CLSTN2: variants seen among roughly 807,000 people sequenced by gnomAD.
CLSTN2 encodes calsyntenin 2.
Under a neutral mutation model 101.2 loss-of-function variants are expected in CLSTN2, and 48 were observed. The ratio of observed to expected loss-of-function variants is 0.47; its 90% CI spans 0.38 to 0.60. The LOEUF is 0.60. CLSTN2 is among the 20% of genes least tolerant of loss of function. CLSTN2 has a pLI of 0.00. For synonymous variants in CLSTN2, 481 were observed against 463.6 expected, an observed-to-expected ratio of 1.04 and a Z score of -0.48; for missense variants, 1,160 against 1,238.2, an observed-to-expected ratio of 0.94 and a Z score of 0.95.
intron 1 of CLSTN2, among the ~76,000 whole-genome samples, chr3:140,173,524 C>G (rs1040644184): frequency 6.6e-6 from 1 of 152,210 alleles, no homozygotes; most frequent in Non-Finnish European, 1.5e-5. Context: ...CTAGGCGATT[C>G]CCCAGTAGGG....
chr3:140,256,138 G>T (rs1309451812), intron 2 of CLSTN2, among the ~76,000 whole-genome samples: 1 of 152,146 alleles, frequency 6.6e-6, no homozygotes, highest in Non-Finnish European at 1.5e-5. Context: ...GGCAGCTGAA[G>T]AACAAGAGAG....
intron 2 of CLSTN2, among the ~76,000 whole-genome samples, chr3:140,349,805 T>C (rs764493027): frequency 3.3e-5 from 5 of 152,212 alleles, no homozygotes; most frequent in Non-Finnish European, 7.3e-5. Flanking sequence ...AACAAGACTC[T>C]AAAACTGCAT....
chr3:140,258,950 A>G (rs1439722154), intron 2 of CLSTN2, among the ~76,000 whole-genome samples: 1 of 152,176 alleles, frequency 6.6e-6, no homozygotes, highest in African/African-American at 2.4e-5. Flanking sequence ...TAAGTCATGT[A>G]TAGGTATATA....
intron 1 of CLSTN2, among the ~76,000 whole-genome samples, chr3:139,941,020 G>A (rs903570473): frequency 6.6e-6 from 1 of 152,066 alleles, no homozygotes; most frequent in East Asian, 1.9e-4. Flanking sequence ...AAACAGAAAG[G>A]CATACTTTTT....
chr3:140,123,773 T>A (rs942157625), intron 1 of CLSTN2, among the ~76,000 whole-genome samples: 1 of 151,994 alleles, frequency 6.6e-6, no homozygotes, highest in African/African-American at 2.4e-5. Context: ...CTTTCCTCAG[T>A]GCATTCACAT....
chr3:140,140,986 T>C (rs1267652585), intron 1 of CLSTN2, among the ~76,000 whole-genome samples: 1 of 152,172 alleles, frequency 6.6e-6, no homozygotes, highest in Non-Finnish European at 1.5e-5. Flanking sequence ...GCAATAGCAA[T>C]AGGGACTGAT....
intron 1 of CLSTN2, among the ~76,000 whole-genome samples, chr3:140,003,551 G>T (rs555820018): frequency 6.6e-6 from 1 of 152,178 alleles, no homozygotes; most frequent in South Asian, 2.1e-4. Context: ...CTCCAGCTAG[G>T]ACTTCCAGTA....
At chr3:140,293,092 C>T (rs1485814747) in intron 2 of CLSTN2, among the ~76,000 whole-genome samples, 1 of 152,228 alleles carries the variant, frequency 6.6e-6, no homozygotes, top group Non-Finnish European at 1.5e-5. Flanking sequence ...TTTGTCTTCC[C>T]TCTTTAACAA....
chr3:140,543,389 A>T (rs564866590), intron 9 of CLSTN2, among the ~76,000 whole-genome samples: 8 of 152,348 alleles, frequency 5.3e-5, no homozygotes, highest in African/African-American at 1.7e-4. Flanking sequence ...GCCGTGGGCC[A>T]TCTCAACTAA....
At chr3:140,505,562 C>A (rs1934670818) in intron 8 of CLSTN2, 1 of 152,098 alleles carries the variant, frequency 6.6e-6, no homozygotes, top group South Asian at 2.1e-4. Flanking sequence ...GAAACACTTA[C>A]CCAATTCCAT....
At chr3:140,188,633 G>C (rs1388316992) in intron 2 of CLSTN2, among the ~76,000 whole-genome samples, 1 of 152,182 alleles carries the variant, frequency 6.6e-6, no homozygotes, top group African/African-American at 2.4e-5. Context: ...ATTCAAAGAG[G>C]AGACAGAGCA....
At chr3:140,251,296 G>T (rs377439647) in intron 2 of CLSTN2, among the ~76,000 whole-genome samples, 6 of 152,288 alleles carry the variant, frequency 3.9e-5, no homozygotes, top group African/African-American at 1.4e-4. Flanking sequence ...GTAAAAATGT[G>T]TTCAAAATAA....
intron 1 of CLSTN2, among the ~76,000 whole-genome samples, chr3:140,133,396 C>T (rs1010778875): frequency 2.0e-4 from 30 of 152,200 alleles, no homozygotes; most frequent in Non-Finnish European, 8.8e-5. Context: ...TCCTTATTGA[C>T]TTTGAAACTA....
At chr3:140,345,033 C>T (rs1172835886) in intron 2 of CLSTN2, among the ~76,000 whole-genome samples, 2 of 152,142 alleles carry the variant, frequency 1.3e-5, no homozygotes, top group East Asian at 3.9e-4. Context: ...ATGCCATCTG[C>T]TTTCAGGGCA....
chr3:140,300,151 T>G (rs1252077887), intron 2 of CLSTN2, among the ~76,000 whole-genome samples: 2 of 152,238 alleles, frequency 1.3e-5, no homozygotes, highest in African/African-American at 4.8e-5. Flanking sequence ...TCTCTGGGAA[T>G]AGGATGCCAA....
intron 4 of CLSTN2, among the ~76,000 whole-genome samples, chr3:140,406,259 C>T (rs948105833): frequency 2.6e-5 from 4 of 152,134 alleles, no homozygotes; most frequent in African/African-American, 7.2e-5. Context: ...CCTGAGACTG[C>T]GGCAGATGCC....
In CLSTN2 at chr3:140,538,847, C is replaced by T. The variant is rs535090580; in HGVS notation, c.1507+6361C>T. Among the ~76,000 whole-genome samples, 14 of 152,284 alleles carry T rather than the reference C, an allele frequency of 9.2e-5. No individual in the cohort carries two copies. In the South Asian group the frequency reaches 2.1e-3, roughly 23 times the overall value. The stretch of plus-strand genomic sequence containing the variant: ...TACCCTTTCACAAAAAGGCCAAGGT[C>T]AAGTCGGGGAAACAGGATAAGCCAT... On this transcript the variant is annotated intron_variant, in intron 9 of 16. Coordinates refer to ENST00000458420, the MANE Select transcript of CLSTN2 (RefSeq NM_022131.3).
chr3:140,329,220 C>G (rs1305981240), intron 2 of CLSTN2, among the ~76,000 whole-genome samples: 1 of 152,050 alleles, frequency 6.6e-6, no homozygotes, highest in Non-Finnish European at 1.5e-5. Context: ...AACCCCATCT[C>G]TACTGAAAAT....
At chr3:140,519,039 A>T (rs894439954) in intron 8 of CLSTN2, among the ~76,000 whole-genome samples, 1 of 152,128 alleles carries the variant, frequency 6.6e-6, no homozygotes, top group African/African-American at 2.4e-5. Flanking sequence ...CTTTGTTCTC[A>T]TTAGTTTCAA....
Sources: allele counts gnomAD v4.1 joint callset (sites outside exome capture counted in the v4.1 genomes callset), GRCh38; gene constraint gnomAD v4.1.1; transcripts MANE v1.5; gene names NCBI Gene and HGNC (gene_info 2026-07-23, HGNC 2026-07-21).